SNX25: variants seen among roughly 807,000 people sequenced by gnomAD.
The protein encoded by SNX25 is sorting nexin 25.
In SNX25, 62 loss-of-function variants were observed where a neutral mutation model predicts 113.7. The observed-to-expected ratio is 0.55, with a 90% CI of 0.44 to 0.67. SNX25 has a LOEUF of 0.67. SNX25 is among the 30% of genes least tolerant of loss of function. The pLI, the probability that SNX25 is intolerant of heterozygous loss-of-function variation, is 0.00. For synonymous variants in SNX25, 421 were observed against 436.2 expected (o/e 0.97, Z 0.43); for missense variants, 1,014 against 1,161.0 (o/e 0.87, Z 1.84).
At chr4:185,300,569 G>A (rs1410150595) in intron 6 of SNX25, among the ~76,000 whole-genome samples, 2 of 151,886 alleles carry the variant, frequency 1.3e-5, no homozygotes, top group Admixed American at 6.6e-5. Flanking sequence ...ATGGACTCTT[G>A]TGGACTTCTC....
chr4:185,330,654 T>C (rs766933658), intron 9 of SNX25, among the ~76,000 whole-genome samples: 1 of 152,214 alleles, frequency 6.6e-6, no homozygotes, highest in Non-Finnish European at 1.5e-5. Context: ...AGAAAGATTA[T>C]GATTTATCGT....
intron 2 of SNX25, among the ~76,000 whole-genome samples, chr4:185,252,723 A>T (rs2126502863): frequency 6.6e-6 from 1 of 152,300 alleles, no homozygotes; most frequent in South Asian, 2.1e-4. Context: ...GTTGTAGCTC[A>T]GTATAAGTTA....
At chr4:185,324,217 T>C (rs1456981033) in intron 9 of SNX25, among the ~76,000 whole-genome samples, 1 of 151,696 alleles carries the variant, frequency 6.6e-6, no homozygotes, top group Non-Finnish European at 1.5e-5. Context: ...AGAGAAGGGA[T>C]GGGGAAAAAA....
rs963291413 is a variant in SNX25 at position 185,209,917 on chromosome 4, G to A, written c.91G>A (p.Gly31Ser). The A allele has an allele frequency of 1.9e-5, 19 of 983,156 alleles. No individual in the cohort carries two copies. The African/African-American group carries it at 3.3e-4, about 17-fold the overall frequency. The allele number at this position is 983,156 out of a possible 1,614,324, so 60.9% of individuals were successfully genotyped here. A position where few individuals can be genotyped will look rare whatever the true frequency, so the allele number is the denominator to read the frequency against. ...CGGCCGTCCTGTCTCGGGCTTCAGGGGCGAGCGGCGGCCGGAGTCCCCGGG... is the reference window on the plus strand; with the variant it reads ...CGGCCGTCCTGTCTCGGGCTTCAGGAGCGAGCGGCGGCCGGAGTCCCCGGG... ...AGGRPVSGFR[G>S]ERRPESPGDA... The change falls in exon 1 of 19, where the codon GGC (glycine) becomes AGC (serine). Residue 31 changes from glycine (G) to serine (S), a missense_variant. Gly to Ser is a moderately conservative substitution (Grantham distance 56, BLOSUM62 0). Transcript: ENST00000652585. This position sits in a 1 kb window ranked among gnomAD's most constrained non-coding sequence, Gnocchi z 5.2.
intron 4 of SNX25, among the ~76,000 whole-genome samples, chr4:185,266,763 C>T (rs1230618468): frequency 6.6e-6 from 1 of 152,114 alleles, no homozygotes. Flanking sequence ...TGATTATAGC[C>T]ATGGATGATA....
chr4:185,375,542 ATAATTT>A, the SNX25 span: 3 of 279,486 alleles, frequency 1.1e-5, no homozygotes, highest in Non-Finnish European at 1.9e-5. Context: ...TAAAATATAA[ATAATTT>A]TAATTGTGTC....
At chr4:185,312,480 T>C (rs1242361124) in intron 7 of SNX25, among the ~76,000 whole-genome samples, 1 of 152,024 alleles carries the variant, frequency 6.6e-6, no homozygotes, top group Non-Finnish European at 1.5e-5. Flanking sequence ...CAGTGTCTAC[T>C]AGAAGTAGAC....
chr4:185,371,542 A>G (rs937475052), downstream of SNX25, among the ~76,000 whole-genome samples: 5 of 7,670 alleles, frequency 6.5e-4, no homozygotes, highest in Non-Finnish European at 2.4e-3. Context: ...ACTCCGTCTA[A>G]AAAAAAAAAA....
chr4:185,271,549 T>A (rs1748941442), intron 5 of SNX25, among the ~76,000 whole-genome samples: 2 of 152,210 alleles, frequency 1.3e-5, no homozygotes, highest in South Asian at 4.1e-4. Context: ...GTGCCCGGCC[T>A]GGAACTGTTT....
At position 185,323,536 on chromosome 4, in the gene SNX25, T is replaced by C; in HGVS notation, c.1485T>C (p.Ile495=). The C allele has an allele frequency of 6.2e-7, 1 of 1,608,722 alleles. No homozygotes were observed. Among genetic ancestry groups the C allele is most frequent in the African/African-American group, 1.3e-5 (1 of 74,658 alleles). Residue 495 remains isoleucine (I), a synonymous_variant, in exon 9 of 19, where the codon ATT becomes ATC. Transcript: ENST00000652585. ...EHLKNANKNE[I]PQLVGEIYQN... is the part of the protein sequence containing the mutation. ...TCTTCCTGTCTTTTCAGAATGAAAT[T>C]CCACAATTAGTTGGTGAAATTTATC...
intron 7 of SNX25, among the ~76,000 whole-genome samples, chr4:185,312,359 T>C (rs563280478): frequency 6.6e-6 from 1 of 152,088 alleles, no homozygotes; most frequent in South Asian, 2.1e-4. Flanking sequence ...TGCTACCTAG[T>C]CAAAAGATGA....
At chr4:185,218,138 G>T (rs2126325613) in intron 1 of SNX25, among the ~76,000 whole-genome samples, 1 of 152,310 alleles carries the variant, frequency 6.6e-6, no homozygotes, top group Non-Finnish European at 1.5e-5. Flanking sequence ...AGGCTGGAGT[G>T]CAGTGGCACA....
At chr4:185,292,722 C>T (rs1206312552) in intron 6 of SNX25, among the ~76,000 whole-genome samples, 1 of 152,100 alleles carries the variant, frequency 6.6e-6, no homozygotes, top group African/African-American at 2.4e-5. Flanking sequence ...AGTTTTGAGG[C>T]CAGCCTGGGC....
intron 2 of SNX25, among the ~76,000 whole-genome samples, chr4:185,256,536 G>T (rs1219097516): frequency 6.6e-6 from 1 of 151,174 alleles, no homozygotes; most frequent in Admixed American, 6.6e-5. Flanking sequence ...GCAAATATGT[G>T]ATTCCATTGC....
At chr4:185,317,368 TGGTA>T (rs2095082906) in intron 7 of SNX25, among the ~76,000 whole-genome samples, 1 of 152,198 alleles carries the variant, frequency 6.6e-6, no homozygotes, top group African/African-American at 2.4e-5. Context: ...TTTACACTGT[TGGTA>T]GGAGTGTAAA....
At position 185,320,735 on chromosome 4, in the gene SNX25, T is replaced by A; in HGVS notation, c.1347T>A (p.Ile449=). The A allele has an allele frequency of 6.6e-7, 1 of 1,519,150 alleles. No individual in the cohort carries two copies. The highest frequency in any genetic ancestry group is 8.8e-7 in the Non-Finnish European group (1 of 1,135,446). The allele number at this position is 1,519,150 out of a possible 1,614,324, so 94.1% of individuals were successfully genotyped here. Residue 449 remains isoleucine (I), a splice_region_variant and synonymous_variant, in exon 8 of 19, where the codon ATT becomes ATA. Transcript: ENST00000652585. ...DEGEGPQSQK[I]LQFEDILANT... ...GTTTTCTTAAATTCTCTTAATAGAT[T>A]CTTCAGTTTGAAGATATCTTGGCCA... is the stretch of plus-strand genomic sequence containing the variant.
In SNX25 at chr4:185,249,805, A is replaced by G. The variant is rs571394954; in HGVS notation, c.514+2427A>G. On this transcript the variant is annotated intron_variant, in intron 2 of 18. Coordinates refer to ENST00000652585, the MANE Select transcript of SNX25 (RefSeq NM_001378034.2). ...TTCTTTTTTTCTTGTTGTTTCTGCA[A>G]TGTTTGCTTTTCTGCTGAGATTCTC... 2.6e-5 allele frequency among the ~76,000 whole-genome samples: 4 copies of G among 152,080 alleles called. No homozygotes were observed. In the South Asian group the frequency reaches 6.2e-4, roughly 24 times the overall value.
chr4:185,239,555 T>C (rs1743303850), intron 1 of SNX25, among the ~76,000 whole-genome samples: 1 of 152,164 alleles, frequency 6.6e-6, no homozygotes, highest in African/African-American at 2.4e-5. Flanking sequence ...TTCTTAAAAT[T>C]TTCTCTCTCT....
chr4:185,337,032 G>C (rs1240272193), intron 10 of SNX25, among the ~76,000 whole-genome samples: 1 of 151,902 alleles, frequency 6.6e-6, no homozygotes, highest in African/African-American at 2.4e-5. Context: ...TTGCTAATTT[G>C]TTTGAGTTTT....
Sources: allele counts gnomAD v4.1 joint callset (sites outside exome capture counted in the v4.1 genomes callset), GRCh38; gene constraint gnomAD v4.1.1; non-coding constraint Gnocchi (gnomAD v3.1); transcripts MANE v1.5; gene names NCBI Gene and HGNC (gene_info 2026-07-23, HGNC 2026-07-21).